The following CDH12 variants were observed in gnomAD, a reference collection of about 807,000 sequenced individuals.
CDH12 encodes the protein cadherin 12, also known as cadherin-12.
In CDH12, 41 loss-of-function variants were observed where a neutral mutation model predicts 74.1. That is an observed-to-expected ratio of 0.55 (90% CI 0.43 to 0.72). The LOEUF (loss-of-function observed/expected upper bound fraction) is 0.72, where lower values mean the gene tolerates loss of function less well. Among genes scored for constraint, CDH12 ranks in the 30% least tolerant of loss-of-function variants. The pLI is 0.00. For synonymous variants in CDH12, 399 were observed against 355.0 expected (o/e 1.12, Z -1.39); for missense variants, 945 against 977.2 (o/e 0.97, Z 0.44).
intron 2 of CDH12, among the ~76,000 whole-genome samples, chr5:22,496,970 C>T (rs1016152807): frequency 1.3e-5 from 2 of 152,094 alleles, no homozygotes; most frequent in South Asian, 2.1e-4. Context: ...GGTCTGACTC[C>T]CAATTCTGCC....
intron 1 of CDH12, among the ~76,000 whole-genome samples, chr5:22,517,248 G>A (rs1306593827): frequency 6.6e-6 from 1 of 151,648 alleles, no homozygotes; most frequent in Non-Finnish European, 1.5e-5. Context: ...AATTAGAGTT[G>A]GCTTTTAAAA....
chr5:22,464,239 G>T (rs542052495), intron 2 of CDH12, among the ~76,000 whole-genome samples: 1 of 152,162 alleles, frequency 6.6e-6, no homozygotes, highest in African/African-American at 2.4e-5. Flanking sequence ...CCCCAGCCAC[G>T]CAGAACTGCA....
intron 6 of CDH12, among the ~76,000 whole-genome samples, chr5:21,880,643 CTT>C (rs1231753847): frequency 2.6e-5 from 3 of 114,420 alleles, no homozygotes; most frequent in African/African-American, 9.8e-5. Context: ...TTCTTTCTTT[CTT>C]TCTTTCTTTC....
chr5:22,480,816 A>T (rs1480986570), intron 2 of CDH12, among the ~76,000 whole-genome samples: 2 of 152,174 alleles, frequency 1.3e-5, no homozygotes, highest in East Asian at 3.9e-4. Flanking sequence ...GCACAGATCC[A>T]GGGTTTTTAA....
chr5:22,124,187 C>T (rs1022086906), intron 4 of CDH12, among the ~76,000 whole-genome samples: 7 of 151,928 alleles, frequency 4.6e-5, no homozygotes, highest in African/African-American at 1.2e-4. Flanking sequence ...GACAGAGTCT[C>T]GCTTCGTCGC....
intron 11 of CDH12, among the ~76,000 whole-genome samples, chr5:21,774,211 G>A (rs190168017): frequency 2.8e-4 from 43 of 152,256 alleles, no homozygotes; most frequent in African/African-American, 1.0e-3. Flanking sequence ...AGCTGCCAGC[G>A]TGGCTAGGAC....
At chr5:22,674,395 T>G (rs1045472700) in intron 1 of CDH12, among the ~76,000 whole-genome samples, 1 of 152,188 alleles carries the variant, frequency 6.6e-6, no homozygotes, top group African/African-American at 2.4e-5. Context: ...CTTTCTGCCA[T>G]GATTGTGAGG....
At chr5:21,922,039 A>G (rs1204952701) in intron 6 of CDH12, among the ~76,000 whole-genome samples, 4 of 152,146 alleles carry the variant, frequency 2.6e-5, no homozygotes, top group Non-Finnish European at 4.4e-5. Flanking sequence ...GGTGTCCAAC[A>G]TTGACAGCTT....
chr5:22,575,354 T>C (rs958672014), intron 1 of CDH12, among the ~76,000 whole-genome samples: 7 of 152,104 alleles, frequency 4.6e-5, no homozygotes, highest in African/African-American at 1.7e-4. Context: ...TACTCTGGGC[T>C]GAGGATATAA....
chr5:22,836,223 C>CTTTTTTTTTTTTTTTTTTTTTTTTT lies in CDH12; in HGVS notation c.-523+16834_-523+16835insAAAAAAAAAAAAAAAAAAAAAAAAA, dbSNP rs61616737. ...TTTTTTTCTTTTTTTCTTTCTTTCT[C>CTTTTTTTTTTTTTTTTTTTTTTTTT]TTTTTTTTTTTTTTTTTTGAGACAG... On this transcript the variant is annotated intron_variant, in intron 1 of 14. Coordinates refer to ENST00000382254, the MANE Select transcript of CDH12 (RefSeq NM_004061.5). Among the ~76,000 whole-genome samples the CTTTTTTTTTTTTTTTTTTTTTTTTT allele has an allele frequency of 1.4e-4, 9 of 65,502 alleles. 1 individual carries two copies. The highest frequency in any genetic ancestry group is 1.9e-4 in the African/African-American group (3 of 16,092). The allele number at this position is 65,502 out of a possible 152,430, so 43.0% of individuals were successfully genotyped here.
chr5:21,768,759 AGAG>A (rs1396148406), intron 11 of CDH12, among the ~76,000 whole-genome samples: 1 of 152,028 alleles, frequency 6.6e-6, no homozygotes, highest in Non-Finnish European at 1.5e-5. Flanking sequence ...TTTCAGAAAT[AGAG>A]GAGGAAGCAC....
intron 5 of CDH12, among the ~76,000 whole-genome samples, chr5:21,979,452 T>C (rs1247168783): frequency 1.3e-5 from 2 of 152,198 alleles, no homozygotes; most frequent in Non-Finnish European, 2.9e-5. Context: ...AAAGATACCC[T>C]GCTCCAGCTT....
intron 1 of CDH12, among the ~76,000 whole-genome samples, chr5:22,752,279 A>G (rs970295767): frequency 2.6e-4 from 39 of 150,304 alleles, no homozygotes; most frequent in Non-Finnish European, 4.4e-4. Context: ...AAATTATAAG[A>G]AAAAAACCCT....
At chr5:22,219,833 A>T (rs1751950322) in intron 3 of CDH12, among the ~76,000 whole-genome samples, 1 of 151,768 alleles carries the variant, frequency 6.6e-6, no homozygotes. Context: ...GTATGAAATG[A>T]ATTAGTGCAG....
At chr5:22,399,233 T>C (rs1194582315) in intron 3 of CDH12, among the ~76,000 whole-genome samples, 2 of 149,256 alleles carry the variant, frequency 1.3e-5, no homozygotes, top group Admixed American at 1.3e-4. Flanking sequence ...TATCTATCTA[T>C]CTAATCTAAA....
chr5:22,466,442 T>C (rs1382563151), intron 2 of CDH12, among the ~76,000 whole-genome samples: 2 of 152,014 alleles, frequency 1.3e-5, no homozygotes, highest in Admixed American at 1.3e-4. Flanking sequence ...GTATGTATGA[T>C]TGGGTTTGGG....
intron 1 of CDH12, among the ~76,000 whole-genome samples, chr5:22,673,907 T>TA (rs1470358942): frequency 4.6e-5 from 7 of 152,240 alleles, no homozygotes; most frequent in Admixed American, 3.3e-4. Flanking sequence ...TCACAAAAAA[T>TA]AAAGAAAAAT....
rs1221823277 is a variant in CDH12 at position 22,529,186 on chromosome 5, TATAGAGAGAGAG to T, written c.-522-23834_-522-23823del. 2.1e-3 allele frequency among the ~76,000 whole-genome samples: 146 copies of T among 69,562 alleles called. 1 individual carries two copies. Among genetic ancestry groups the T allele is most frequent in the African/African-American group, 5.1e-3 (102 of 20,130 alleles). 45.6% of individuals were successfully genotyped at this position (69,562 alleles called of 152,430 possible). A position where few individuals can be genotyped will look rare whatever the true frequency, so the allele number is the denominator to read the frequency against. ...ATGTGTATATATATATATATATATATATAGAGAGAGAGAGAGAGAGAGAGAGAGAGAGAGAGA... is the reference window on the plus strand; with the variant it reads ...ATGTGTATATATATATATATATATATAGAGAGAGAGAGAGAGAGAGAGAGA... On this transcript the variant is annotated intron_variant, in intron 1 of 14. Transcript: ENST00000382254.
At chr5:21,822,194 G>A (rs1199178182) in intron 8 of CDH12, among the ~76,000 whole-genome samples, 1 of 137,818 alleles carries the variant, frequency 7.3e-6, no homozygotes, top group Non-Finnish European at 1.6e-5. Flanking sequence ...AACTCATTCA[G>A]TATTATTTAT....
Sources: gnomAD v4.1 joint callset for allele counts (sites outside exome capture counted in the v4.1 genomes callset) on GRCh38, gnomAD v4.1.1 for gene constraint, MANE v1.5 for transcripts, NCBI Gene and HGNC (gene_info 2026-07-23, HGNC 2026-07-21) for gene names.